The following DRC11 variants were observed in gnomAD, a reference collection of about 807,000 sequenced individuals.
DRC11 encodes dynein regulatory complex subunit 11.
At chr2:236,443,343 C>A in the DRC11 span, among the ~76,000 whole-genome samples, 1 of 152,086 alleles carries the variant, frequency 6.6e-6, no homozygotes, top group Non-Finnish European at 1.5e-5. The surrounding 1 kb of genome is among the most constrained non-coding windows in gnomAD (Gnocchi z 4.4). Flanking sequence ...CCCCGCAACA[C>A]CCCTGCCCCA....
chr2:236,506,293 C>T, the DRC11 span, among the ~76,000 whole-genome samples: 4 of 152,162 alleles, frequency 2.6e-5, no homozygotes, highest in Non-Finnish European at 5.9e-5. This position sits in a 1 kb window ranked among gnomAD's most constrained non-coding sequence, Gnocchi z 4.9. Flanking sequence ...TCACAAAGAC[C>T]ATCACAGGCT....
the DRC11 span, chr2:236,408,883 T>A: frequency 1.5e-6 from 1 of 655,510 alleles, no homozygotes; most frequent in Non-Finnish European, 2.8e-6. This position sits in a 1 kb window ranked among gnomAD's most constrained non-coding sequence, Gnocchi z 5.5. Flanking sequence ...TTGTTCACGT[T>A]GGATCCTAGC....
At chr2:236,442,072 G>C in the DRC11 span, among the ~76,000 whole-genome samples, 1 of 152,100 alleles carries the variant, frequency 6.6e-6, no homozygotes, top group Non-Finnish European at 1.5e-5. Flanking sequence ...GTGCACTCCA[G>C]ACTGGGTGAT....
the DRC11 span, among the ~76,000 whole-genome samples, chr2:236,322,734 C>T: frequency 6.6e-6 from 1 of 152,200 alleles, no homozygotes; most frequent in Admixed American, 6.5e-5. Flanking sequence ...AGTTTTTAAA[C>T]TTAGGTTACT....
the DRC11 span, among the ~76,000 whole-genome samples, chr2:236,329,618 T>C: frequency 3.9e-5 from 6 of 152,206 alleles, no homozygotes; most frequent in African/African-American, 1.4e-4. Context: ...AGCAATGGTA[T>C]CACATTATTC....
At chr2:236,449,149 T>C in the DRC11 span, among the ~76,000 whole-genome samples, 1 of 152,176 alleles carries the variant, frequency 6.6e-6, no homozygotes, top group African/African-American at 2.4e-5. This position sits in a 1 kb window ranked among gnomAD's most constrained non-coding sequence, Gnocchi z 5.1. Flanking sequence ...CATGAGCCAC[T>C]ACACCCACTG....
chr2:236,485,039 T>C, the DRC11 span, among the ~76,000 whole-genome samples: 1 of 152,212 alleles, frequency 6.6e-6, no homozygotes, highest in African/African-American at 2.4e-5. Context: ...TTGAAAATCT[T>C]TTCAGCATTT....
At chr2:236,495,886 G>A in the DRC11 span, among the ~76,000 whole-genome samples, 13 of 152,212 alleles carry the variant, frequency 8.5e-5, no homozygotes, top group South Asian at 1.7e-3. The surrounding 1 kb of genome is among the most constrained non-coding windows in gnomAD (Gnocchi z 5.6). Flanking sequence ...CCATCCCCAC[G>A]GCAACAATGG....
chr2:236,458,593 T>C, the DRC11 span, among the ~76,000 whole-genome samples: 4 of 152,120 alleles, frequency 2.6e-5, no homozygotes, highest in Admixed American at 2.6e-4. Flanking sequence ...TGGCATCACC[T>C]CATTTGACCC....
At chr2:236,410,474 G>A in the DRC11 span, among the ~76,000 whole-genome samples, 5 of 151,064 alleles carry the variant, frequency 3.3e-5, no homozygotes, top group African/African-American at 9.8e-5. Context: ...TACTGCCCAA[G>A]GTAATTTACA....
At chr2:236,395,256 G>A in the DRC11 span, among the ~76,000 whole-genome samples, 8 of 152,170 alleles carry the variant, frequency 5.3e-5, no homozygotes, top group Non-Finnish European at 1.2e-4. Context: ...GACAAGAGGG[G>A]AGAAGAGGCG....
At chr2:236,400,298 A>G in the DRC11 span, among the ~76,000 whole-genome samples, 1 of 151,816 alleles carries the variant, frequency 6.6e-6, no homozygotes, top group African/African-American at 2.4e-5. This position sits in a 1 kb window ranked among gnomAD's most constrained non-coding sequence, Gnocchi z 7.9. Context: ...CCCCCACAGC[A>G]GAGAGAGCCT....
chr2:236,503,567 C>A, the DRC11 span: 2 of 1,444,740 alleles, frequency 1.4e-6, no homozygotes, highest in Middle Eastern at 1.7e-4. This position sits in a 1 kb window ranked among gnomAD's most constrained non-coding sequence, Gnocchi z 4.9. Context: ...GGAGACCAGG[C>A]AAAGATTCCC....
the DRC11 span, among the ~76,000 whole-genome samples, chr2:236,358,226 G>A: frequency 2.4e-5 from 3 of 126,202 alleles, no homozygotes; most frequent in Non-Finnish European, 4.7e-5. Context: ...ATTATATACT[G>A]TATGAATATA....
chr2:236,408,368 G>A, the DRC11 span: 2 of 756,856 alleles, frequency 2.6e-6, no homozygotes, highest in Middle Eastern at 3.8e-4. This position sits in a 1 kb window ranked among gnomAD's most constrained non-coding sequence, Gnocchi z 5.5. Context: ...TTCTTGGTGT[G>A]TCAATGACTT....
At chr2:236,349,037 T>A in the DRC11 span, among the ~76,000 whole-genome samples, 2 of 152,116 alleles carry the variant, frequency 1.3e-5, no homozygotes, top group Non-Finnish European at 2.9e-5. The surrounding 1 kb of genome is among the most constrained non-coding windows in gnomAD (Gnocchi z 5.5). Context: ...CCTGCGTGAC[T>A]CTGCTCCTAC....
chr2:236,411,262 A>C, the DRC11 span, among the ~76,000 whole-genome samples: 1 of 152,220 alleles, frequency 6.6e-6, no homozygotes, highest in South Asian at 2.1e-4. Flanking sequence ...TCTCAAAAGA[A>C]GACATTTATG....
At chr2:236,491,192 A>ATATATATATATATATACACTGTG in the DRC11 span, among the ~76,000 whole-genome samples, 1 of 49,672 alleles carries the variant, frequency 2.0e-5, no homozygotes, top group East Asian at 3.4e-4. Flanking sequence ...CACACAGTAT[A>ATATATATATATATATACACTGTG]TATATATATA....
the DRC11 span, among the ~76,000 whole-genome samples, chr2:236,406,156 G>A: frequency 6.6e-6 from 1 of 152,232 alleles, no homozygotes; most frequent in Admixed American, 6.5e-5. The surrounding 1 kb of genome is among the most constrained non-coding windows in gnomAD (Gnocchi z 4.7). Flanking sequence ...GACATACTGA[G>A]AGATGCAGAG....
Sources: allele counts gnomAD v4.1 joint callset (sites outside exome capture counted in the v4.1 genomes callset), GRCh38; gene constraint gnomAD v4.1.1; non-coding constraint Gnocchi (gnomAD v3.1); transcripts MANE v1.5; gene names NCBI Gene and HGNC (gene_info 2026-07-23, HGNC 2026-07-21).